Variants in KIF16B observed in about 807,000 individuals in gnomAD.
KIF16B encodes kinesin-like protein KIF16B.
Under a neutral mutation model 156.3 loss-of-function variants are expected in KIF16B, and 98 were observed. The ratio of observed to expected loss-of-function variants is 0.63; its 90% CI spans 0.53 to 0.74. The LOEUF is 0.74. Among genes scored for constraint, KIF16B ranks in the 30% least tolerant of loss-of-function variants. KIF16B has a pLI of 0.00. For missense variants in KIF16B, 1,421 were observed against 1,606.5 expected, an observed-to-expected ratio of 0.88 and a Z score of 1.97; for synonymous variants, 564 against 583.7, an observed-to-expected ratio of 0.97 and a Z score of 0.49.
rs1430856563 is a variant in KIF16B, at chr20:16,295,232, G to A, written c.3795+17103C>T. Among the ~76,000 whole-genome samples, 5 of 152,268 alleles carry A rather than the reference G, an allele frequency of 3.3e-5. 1 individual carries two copies. The highest frequency in any genetic ancestry group is 6.8e-3 in the Middle Eastern group (2 of 292). On this transcript the variant is annotated intron_variant, in intron 25 of 25. Transcript: ENST00000354981. ...CATATCCCCCGGGCCAGACCATGGT[G>A]TCTCCATGGGGAGCAGGCCACGGTG...
At chr20:16,560,442 C>T in intron 1 of KIF16B, among the ~76,000 whole-genome samples, 1 of 152,136 alleles carries the variant, frequency 6.6e-6, no homozygotes, top group Non-Finnish European at 1.5e-5. Context: ...ACCACAGGCC[C>T]CTGGGGCAAA....
intron 9 of KIF16B, among the ~76,000 whole-genome samples, chr20:16,505,127 G>A (rs2068735861): frequency 6.6e-6 from 1 of 152,164 alleles, no homozygotes; most frequent in African/African-American, 2.4e-5. Context: ...AGCATGGGAA[G>A]GGCATGAAGA....
At chr20:16,275,382 A>G (rs1486774341) in intron 25 of KIF16B, among the ~76,000 whole-genome samples, 1 of 152,204 alleles carries the variant, frequency 6.6e-6, no homozygotes, top group Non-Finnish European at 1.5e-5. Context: ...CTTTAAATGT[A>G]TAACTTCATG....
intron 24 of KIF16B, 100 bp from the exon 25 acceptor site, chr20:16,312,518 GA>G: frequency 1.1e-6 from 1 of 874,596 alleles, no homozygotes; most frequent in Non-Finnish European, 1.8e-6. Context: ...GGGGTGAAAA[GA>G]AAGAGGCTGA....
intron 1 of KIF16B, among the ~76,000 whole-genome samples, chr20:16,566,176 C>G (rs1434891201): frequency 6.6e-6 from 1 of 152,152 alleles, no homozygotes; most frequent in African/African-American, 2.4e-5. Context: ...TAAGTTTTGT[C>G]CCTTGCCTCT....
At chr20:16,384,281 C>A (rs1236475676) in intron 17 of KIF16B, among the ~76,000 whole-genome samples, 5 of 152,202 alleles carry the variant, frequency 3.3e-5, no homozygotes, top group African/African-American at 4.8e-5. Context: ...CCCCACCAGG[C>A]TCCCGGTCTG....
rs749504210 is a variant in KIF16B, at chr20:16,335,983, G to C, written c.3654C>G (p.Phe1218Leu). The change falls in exon 24 of 26, where the codon TTC becomes TTG. Residue 1218 changes from phenylalanine to leucine, a missense_variant. Transcript: ENST00000354981. Reference sequence around the variant, plus strand: ...TTTCTCGAAAACGACTGTAACGCCTGAATACAGTCCATGTCTCATCTAGGA... The same window carrying C: ...TTTCTCGAAAACGACTGTAACGCCTCAATACAGTCCATGTCTCATCTAGGA... ...ITVLDETWTV[F>L]RRYSRFREMH... is the part of the protein sequence containing the mutation. The C allele has an allele frequency of 3.7e-6, 6 of 1,608,664 alleles. No individual in the cohort carries two copies. Among genetic ancestry groups the C allele is most frequent in the Non-Finnish European group, 5.1e-6 (6 of 1,176,548 alleles).
intron 12 of KIF16B, among the ~76,000 whole-genome samples, chr20:16,484,135 G>A (rs1161701664): frequency 6.6e-6 from 1 of 152,140 alleles, no homozygotes; most frequent in Non-Finnish European, 1.5e-5. Flanking sequence ...TTATGGCATG[G>A]CACCAACATT....
At chr20:16,304,740 T>C (rs2063518512) in intron 25 of KIF16B, among the ~76,000 whole-genome samples, 1 of 152,182 alleles carries the variant, frequency 6.6e-6, no homozygotes, top group South Asian at 2.1e-4. Context: ...AATAGGTAAA[T>C]GACTGAGAAA....
intron 1 of KIF16B, among the ~76,000 whole-genome samples, chr20:16,548,206 A>G (rs2070486574): frequency 6.6e-6 from 1 of 152,138 alleles, no homozygotes; most frequent in Admixed American, 6.5e-5. Context: ...GCCTCTGTCT[A>G]CTCATCCATA....
At chr20:16,519,903 C>A (rs533146904) in intron 3 of KIF16B, among the ~76,000 whole-genome samples, 1 of 152,274 alleles carries the variant, frequency 6.6e-6, no homozygotes, top group South Asian at 2.1e-4. Context: ...CGCCTCACCC[C>A]GGGAAGTGCA....
chr20:16,421,343 G>A (rs760297632), intron 15 of KIF16B, among the ~76,000 whole-genome samples: 18 of 151,992 alleles, frequency 1.2e-4, no homozygotes, highest in Non-Finnish European at 2.5e-4. Context: ...TTTTCTTACA[G>A]ATACAGTTGA....
chr20:16,350,094 A>G (rs2064307212), intron 23 of KIF16B, among the ~76,000 whole-genome samples: 1 of 152,262 alleles, frequency 6.6e-6, no homozygotes, highest in Non-Finnish European at 1.5e-5. Flanking sequence ...AGAATGAGAC[A>G]AGAGGAGACT....
At chr20:16,310,592 T>C (rs538369360) in intron 25 of KIF16B, among the ~76,000 whole-genome samples, 1 of 152,318 alleles carries the variant, frequency 6.6e-6, no homozygotes, top group South Asian at 2.1e-4. Flanking sequence ...TCATTCTCCA[T>C]GTTTCCATTA....
chr20:16,295,872 G>C (rs1424443613), intron 25 of KIF16B, among the ~76,000 whole-genome samples: 2 of 152,164 alleles, frequency 1.3e-5, no homozygotes, highest in Non-Finnish European at 2.9e-5. Context: ...GATTCAAAAT[G>C]GTCACGAATT....
At chr20:16,370,409 C>G (rs1218460400) in intron 22 of KIF16B, among the ~76,000 whole-genome samples, 177 bp downstream of exon 22, 4 of 152,196 alleles carry the variant, frequency 2.6e-5, no homozygotes, top group African/African-American at 9.7e-5. Flanking sequence ...AAAGCAGTTT[C>G]AAACTACAGG....
At chr20:16,315,637 T>G (rs2063686816) in intron 24 of KIF16B, among the ~76,000 whole-genome samples, 1 of 152,144 alleles carries the variant, frequency 6.6e-6, no homozygotes, top group Non-Finnish European at 1.5e-5. Flanking sequence ...CCTGCACCCT[T>G]GCCCAGGGTC....
chr20:16,516,367 G>A (rs1049463490), intron 3 of KIF16B, among the ~76,000 whole-genome samples: 2 of 152,170 alleles, frequency 1.3e-5, no homozygotes, highest in African/African-American at 4.8e-5. Flanking sequence ...AGGAGGTGAA[G>A]TACAAATGCT....
chr20:16,407,980 C>T (rs6034470), intron 15 of KIF16B, among the ~76,000 whole-genome samples: 228 of 152,216 alleles, frequency 1.5e-3, no homozygotes, highest in African/African-American at 5.2e-3. Context: ...TGAGAGTTGC[C>T]TCCTTTGCAC....
Sources: allele counts gnomAD v4.1 joint callset (sites outside exome capture counted in the v4.1 genomes callset), GRCh38; gene constraint gnomAD v4.1.1; transcripts MANE v1.5; gene names NCBI Gene and HGNC (gene_info 2026-07-23, HGNC 2026-07-21).